PRKG1: variants seen among roughly 807,000 people sequenced by gnomAD.
PRKG1 encodes the protein protein kinase cGMP-dependent 1.
In PRKG1, 35 loss-of-function variants were observed where a neutral mutation model predicts 88.1. The ratio of observed to expected loss-of-function variants is 0.40; its 90% confidence interval spans 0.30 to 0.53. The LOEUF is 0.53. Among genes scored for constraint, PRKG1 ranks in the 20% least tolerant of loss-of-function variants. PRKG1 has a pLI of 0.59. For synonymous variants in PRKG1, 303 were observed against 292.5 expected (o/e 1.04, Z -0.37); for missense variants, 540 against 839.8 (o/e 0.64, Z 4.41).
chr10:51,698,997 C>T (rs1261350912), intron 3 of PRKG1: 2 of 1,614,132 alleles, frequency 1.2e-6, no homozygotes, highest in African/African-American at 2.7e-5. Context: ...AGAGCAATCT[C>T]TGGATCCATG....
intron 5 of PRKG1, among the ~76,000 whole-genome samples, chr10:51,993,397 T>G (rs1222240198): frequency 6.6e-6 from 1 of 152,144 alleles, no homozygotes; most frequent in Non-Finnish European, 1.5e-5. Flanking sequence ...CAAGAAACTT[T>G]GACGTGAGGA....
chr10:52,169,712 G>A (rs1312514720), intron 9 of PRKG1, among the ~76,000 whole-genome samples: 3 of 152,174 alleles, frequency 2.0e-5, no homozygotes, highest in African/African-American at 7.2e-5. Context: ...AGCCCGCCTT[G>A]CAAAGGCTAC....
At chr10:52,016,906 C>T (rs10823962) in intron 5 of PRKG1, among the ~76,000 whole-genome samples, 42,995 of 151,936 alleles carry the variant, frequency 0.28, 6,276 homozygotes, top group Non-Finnish European at 0.33. Context: ...TTAACTAGGG[C>T]GGTCAGTCCT....
At chr10:51,179,359 C>A (rs534564057) in intron 2 of PRKG1, among the ~76,000 whole-genome samples, 2 of 152,164 alleles carry the variant, frequency 1.3e-5, no homozygotes, top group Non-Finnish European at 2.9e-5. Flanking sequence ...GCAGACAAAA[C>A]TTAAATGAAG....
In PRKG1 at chr10:51,223,552, T is replaced by TA. The variant is rs549318601; in HGVS notation, c.478+70228dup. Among the ~76,000 whole-genome samples, 11 of 152,318 alleles carry TA rather than the reference T, an allele frequency of 7.2e-5. No homozygotes were observed. In the East Asian group the frequency reaches 1.7e-3, roughly 24 times the overall value. ...TTCTCTATAGGATTCTACTATCCAT[T>TA]AAAAAATTTGTCCTTTTACTTAGTA... On this transcript the variant is annotated intron_variant, in intron 2 of 17. Coordinates refer to ENST00000373980, the MANE Select transcript of PRKG1 (RefSeq NM_006258.4).
intron 3 of PRKG1, among the ~76,000 whole-genome samples, chr10:51,744,804 T>C (rs760806043): frequency 6.6e-6 from 1 of 152,184 alleles, no homozygotes; most frequent in Non-Finnish European, 1.5e-5. Flanking sequence ...CAGCTGAACA[T>C]GTTTGGTGGC....
intron 2 of PRKG1, among the ~76,000 whole-genome samples, chr10:51,393,026 G>T (rs185108926): frequency 0.062 from 9,276 of 150,152 alleles, 392 homozygotes; most frequent in South Asian, 0.15. Context: ...CCCAGACGGG[G>T]TGGTTGCCGG....
chr10:52,276,665 T>G (rs1841881316), intron 12 of PRKG1, among the ~76,000 whole-genome samples: 2 of 152,194 alleles, frequency 1.3e-5, no homozygotes, highest in African/African-American at 4.8e-5. Context: ...TGTCAAGGCA[T>G]AATTCATTAT....
chr10:52,050,510 G>A (rs530111700), intron 5 of PRKG1, among the ~76,000 whole-genome samples: 1 of 152,146 alleles, frequency 6.6e-6, no homozygotes, highest in Non-Finnish European at 1.5e-5. Flanking sequence ...TAAAGAATCA[G>A]CATGCAAGAT....
At chr10:51,414,238 A>G (rs1838178940) in intron 2 of PRKG1, among the ~76,000 whole-genome samples, 1 of 152,216 alleles carries the variant, frequency 6.6e-6, no homozygotes, top group South Asian at 2.1e-4. Context: ...CAGCAGGAAC[A>G]TTGCAAATGT....
intron 2 of PRKG1, among the ~76,000 whole-genome samples, chr10:51,275,257 T>G (rs1255240712): frequency 6.6e-6 from 1 of 152,234 alleles, no homozygotes; most frequent in Non-Finnish European, 1.5e-5. Context: ...TCTTATGTGT[T>G]ATAATTTTAA....
chr10:51,885,066 C>A (rs1390063711), intron 4 of PRKG1, among the ~76,000 whole-genome samples: 2 of 152,184 alleles, frequency 1.3e-5, no homozygotes, highest in South Asian at 4.2e-4. Context: ...ACATACCGTG[C>A]AATCTTAGCC....
At chr10:51,017,210 A>G (rs144808708) in intron 1 of PRKG1, among the ~76,000 whole-genome samples, 195 of 152,172 alleles carry the variant, frequency 1.3e-3, no homozygotes, top group African/African-American at 4.4e-3. Context: ...GTGCTCCTGT[A>G]GCACCCTTTA....
intron 2 of PRKG1, among the ~76,000 whole-genome samples, chr10:51,414,801 A>G (rs911119358): frequency 3.9e-5 from 6 of 152,200 alleles, no homozygotes; most frequent in Admixed American, 2.0e-4. Context: ...CTACACTCAC[A>G]CCACATAATT....
intron 5 of PRKG1, among the ~76,000 whole-genome samples, chr10:52,020,225 T>G (rs1392136308): frequency 6.6e-6 from 1 of 152,170 alleles, no homozygotes; most frequent in Non-Finnish European, 1.5e-5. Context: ...TATATTGTTC[T>G]TATTTCTTGG....
chr10:52,075,461 G>T lies in PRKG1; in HGVS notation c.935+12830G>T, dbSNP rs139012195. 3.3e-3 allele frequency among the ~76,000 whole-genome samples: 504 copies of T among 152,262 alleles called. 2 individuals carry two copies. Among genetic ancestry groups the T allele is most frequent in the African/African-American group, 0.011 (470 of 41,556 alleles). On this transcript the variant is annotated intron_variant, in intron 7 of 17. Coordinates refer to ENST00000373980, the MANE Select transcript of PRKG1 (RefSeq NM_006258.4). ...TTTATATGAACAATTTAGAAAAAAA[G>T]AAAGTTTGGAAGACTAACTCCATCT...
At chr10:51,890,211 A>C (rs766310026) in intron 4 of PRKG1, among the ~76,000 whole-genome samples, 92 of 152,316 alleles carry the variant, frequency 6.0e-4, no homozygotes, top group Non-Finnish European at 1.1e-3. Context: ...TTAAGTCTTT[A>C]ATCCATCTTG....
intron 7 of PRKG1, among the ~76,000 whole-genome samples, chr10:52,122,483 C>A (rs1847842874): frequency 6.6e-6 from 1 of 152,174 alleles, no homozygotes; most frequent in African/African-American, 2.4e-5. Flanking sequence ...TACAAAATTA[C>A]ATGTATCAAT....
intron 2 of PRKG1, among the ~76,000 whole-genome samples, chr10:51,409,231 T>C (rs1326161711): frequency 6.6e-6 from 1 of 152,156 alleles, no homozygotes; most frequent in African/African-American, 2.4e-5. Context: ...GGCCCTAGTC[T>C]TGTCTTCCTC....
Sources: gnomAD v4.1 joint callset for allele counts (sites outside exome capture counted in the v4.1 genomes callset) on GRCh38, gnomAD v4.1.1 for gene constraint, MANE v1.5 for transcripts, NCBI Gene and HGNC (gene_info 2026-07-23, HGNC 2026-07-21) for gene names.